MCM6: variants seen among roughly 807,000 people sequenced by gnomAD.
MCM6 encodes minichromosome maintenance complex component 6.
Under a neutral mutation model 94.3 loss-of-function variants are expected in MCM6, and 46 were observed. That is an observed-to-expected ratio of 0.49 (90% CI 0.39 to 0.62). The LOEUF (loss-of-function observed/expected upper bound fraction) is 0.62. Ranked by LOEUF, MCM6 falls within the 20% of genes least tolerant of loss-of-function variation. The pLI, the probability that MCM6 is intolerant of heterozygous loss-of-function variation, is 0.00. For synonymous variants in MCM6, 335 were observed against 351.9 expected (o/e 0.95, Z 0.54); for missense variants, 865 against 1,017.9 (o/e 0.85, Z 2.04).
At chr2:135,873,492 G>C (rs1377371713) in intron 1 of MCM6, among the ~76,000 whole-genome samples, 1 of 152,206 alleles carries the variant, frequency 6.6e-6, no homozygotes, top group African/African-American at 2.4e-5. Context: ...ACTAAATAAA[G>C]CTGCTGGTAT....
Position 135,840,657 on chromosome 2 carries a change from A to G in MCM6, c.*178T>C. 1 of 571,120 alleles carries G rather than the reference A, an allele frequency of 1.8e-6. No individual in the cohort carries two copies. Among genetic ancestry groups the G allele is most frequent in the Non-Finnish European group, 3.1e-6 (1 of 318,944 alleles). 35.4% of individuals were successfully genotyped at this position (571,120 alleles called of 1,614,324 possible). A position where few individuals can be genotyped will look rare whatever the true frequency, so the allele number is the denominator to read the frequency against. On this transcript the variant is annotated 3_prime_UTR_variant, in exon 17 of 17. Coordinates refer to ENST00000264156, the MANE Select transcript of MCM6 (RefSeq NM_005915.6). ...AGGAAGTGCTGAAGCCTGTGTTGGT[A>G]TGAAACCTGTGATGAATGTGACACA...
intron 2 of MCM6, among the ~76,000 whole-genome samples, chr2:135,870,584 G>A (rs1680181867): frequency 6.6e-6 from 1 of 152,132 alleles, no homozygotes; most frequent in Non-Finnish European, 1.5e-5. Flanking sequence ...TACCATACCT[G>A]ATTATCATAT....
intron 13 of MCM6, among the ~76,000 whole-genome samples, chr2:135,849,756 A>C (rs1679738576): frequency 6.6e-6 from 1 of 152,232 alleles, no homozygotes; most frequent in Non-Finnish European, 1.5e-5. Context: ...CCAGTGTCAA[A>C]AAGATGGATT....
At chr2:135,850,006 A>C (rs1679744355) in intron 13 of MCM6, among the ~76,000 whole-genome samples, 1 of 152,206 alleles carries the variant, frequency 6.6e-6, no homozygotes, top group African/African-American at 2.4e-5. Flanking sequence ...CTATTTGAAG[A>C]CTAATTTTTA....
chr2:135,848,885 AAAAAC>A (rs939184017), intron 13 of MCM6, among the ~76,000 whole-genome samples: 1 of 152,224 alleles, frequency 6.6e-6, no homozygotes, highest in African/African-American at 2.4e-5. Context: ...ACTCCATCTC[AAAAAC>A]AAAACAAAAC....
intron 14 of MCM6, among the ~76,000 whole-genome samples, chr2:135,847,349 A>G (rs1028962270): frequency 2.0e-5 from 3 of 152,196 alleles, no homozygotes; most frequent in Admixed American, 2.0e-4. Flanking sequence ...CAGGAAGTTA[A>G]GGCTGCAGTG....
At chr2:135,860,739 C>A (rs1679974795) in intron 8 of MCM6, among the ~76,000 whole-genome samples, 2 of 152,146 alleles carry the variant, frequency 1.3e-5, no homozygotes, top group Non-Finnish European at 2.9e-5. Flanking sequence ...TTTAACCTGA[C>A]AAAGGGCATC....
At position 135,851,397 on chromosome 2, in the gene MCM6, G is replaced by C; in HGVS notation, c.1917+5C>G. The stretch of plus-strand genomic sequence containing the variant: ...GCTCTCATCATATCAAAGTGACTCT[G>C]ATACCTCATCACAGCAGTGCATCCG... On this transcript the variant is annotated splice_donor_5th_base_variant and intron_variant, in intron 13 of 16. Transcript: ENST00000264156. The C allele has an allele frequency of 6.2e-7, 1 of 1,609,712 alleles. No individual in the cohort carries two copies. Among genetic ancestry groups the C allele is most frequent in the Non-Finnish European group, 8.5e-7 (1 of 1,177,192 alleles).
rs4988235 is a variant in MCM6, at chr2:135,851,076, G to A, written c.1917+326C>T. Among the ~76,000 whole-genome samples the A allele has an allele frequency of 0.4, 60,356 of 152,102 alleles. 17,494 individuals are homozygous for A. Among genetic ancestry groups the A allele is most frequent in the Non-Finnish European group, 0.64 (43,184 of 67,976 alleles). ...GAGGAGAGTTCCTTTGAGGCCAGGG[G>A]CTACATTATCTTATCTGTATTGCCA... On this transcript the variant is annotated intron_variant, in intron 13 of 16. Transcript: ENST00000264156.
In MCM6 at chr2:135,840,794, G is replaced by A. The variant is rs1252724334; in HGVS notation, c.*41C>T. On this transcript the variant is annotated 3_prime_UTR_variant, in exon 17 of 17. Transcript: ENST00000264156. Reference sequence around the variant, plus strand: ...GCCAGGCTCCAGGCCACGAGGTGCTGTGCCACAGTTCCTCAGCTCTGGTCA... The same window carrying A: ...GCCAGGCTCCAGGCCACGAGGTGCTATGCCACAGTTCCTCAGCTCTGGTCA... 3 of 1,406,878 alleles carry A rather than the reference G, an allele frequency of 2.1e-6. No homozygotes were observed. Among genetic ancestry groups the A allele is most frequent in the East Asian group, 2.3e-5 (1 of 43,912 alleles). 87.1% of individuals were successfully genotyped at this position (1,406,878 alleles called of 1,614,324 possible). A position where few individuals can be genotyped will look rare whatever the true frequency, so the allele number is the denominator to read the frequency against.
chr2:135,859,954 C>T (rs309173), intron 8 of MCM6, among the ~76,000 whole-genome samples: 76,032 of 151,596 alleles, frequency 0.5, 23,150 homozygotes, highest in Non-Finnish European at 0.7. Flanking sequence ...CAGGTGTGCG[C>T]CACTATGCCC....
intron 12 of MCM6, among the ~76,000 whole-genome samples, chr2:135,852,405 T>C (rs4954493): frequency 0.51 from 77,302 of 152,036 alleles, 23,804 homozygotes; most frequent in Non-Finnish European, 0.71. Context: ...TTTATATTTA[T>C]CATAATGGCC....
chr2:135,840,996 A>G (rs1424380649), intron 16 of MCM6, 45 bp from the exon 17 acceptor site: 1 of 1,365,010 alleles, frequency 7.3e-7, no homozygotes, highest in East Asian at 2.3e-5. Flanking sequence ...GCAGTATTAT[A>G]CCAATGTCCA....
intron 11 of MCM6, 86 bp downstream of exon 11, chr2:135,856,642 G>T: frequency 7.2e-7 from 1 of 1,387,566 alleles, no homozygotes; most frequent in Non-Finnish European, 9.9e-7. Flanking sequence ...GCACATACAT[G>T]CACCAGCTGT....
intron 8 of MCM6, among the ~76,000 whole-genome samples, chr2:135,860,211 C>T (rs1320356293): frequency 1.3e-5 from 2 of 152,116 alleles, no homozygotes; most frequent in Non-Finnish European, 2.9e-5. Flanking sequence ...TGGCTCACTC[C>T]AAGCTCTGCC....
Position 135,858,440 on chromosome 2 carries a change from T to C in MCM6, c.1363-436A>G, listed in dbSNP as rs191495143. Among the ~76,000 whole-genome samples, 4 of 152,174 alleles carry C rather than the reference T, an allele frequency of 2.6e-5. No homozygotes were observed. The East Asian group carries it at 7.7e-4, about 29-fold the overall frequency. On this transcript the variant is annotated intron_variant, in intron 9 of 16. Transcript: ENST00000264156. ...AGGCAGAGGTTGCAGTGAGCCAAGG[T>C]TGCACCACTGCACTCCAGCCTGGGC...
intron 15 of MCM6, among the ~76,000 whole-genome samples, chr2:135,845,774 C>T (rs1473660489): frequency 1.3e-5 from 2 of 152,156 alleles, no homozygotes; most frequent in African/African-American, 4.8e-5. Flanking sequence ...AGTGTCCAGA[C>T]GCCACACTTT....
rs766644283 is a variant in MCM6, at chr2:135,856,719, T to A, written c.1626+9A>T. ...AACTGGAAATAAAAAAGGAAGCTCA[T>A]GGGGTTACCTCATTACATTCATCCA... On this transcript the variant is annotated intron_variant, in intron 11 of 16. Coordinates refer to ENST00000264156, the MANE Select transcript of MCM6 (RefSeq NM_005915.6). The A allele has an allele frequency of 6.2e-7, 1 of 1,612,996 alleles. No homozygotes were observed. The highest frequency in any genetic ancestry group is 1.1e-5 in the South Asian group (1 of 90,862).
At position 135,859,313 on chromosome 2, in the gene MCM6, C is replaced by A; in HGVS notation, c.1350G>T (p.Met450Ile). 6.2e-7 allele frequency: 1 copy of A among 1,613,266 alleles called. No individual in the cohort carries two copies. Among genetic ancestry groups the A allele is most frequent in the Non-Finnish European group, 8.5e-7 (1 of 1,179,580 alleles). Residue 450 changes from methionine to isoleucine, a missense_variant, in exon 9 of 17, where the codon ATG (methionine) becomes ATT (isoleucine). Around this residue, in one of 3 missense-constraint regions of MCM6, gnomAD observed 153 missense variants for 241.5 expected, o/e 0.63. Coordinates refer to ENST00000264156, the MANE Select transcript of MCM6 (RefSeq NM_005915.6). ...HEFVIEAGAL[M>I]LADNGVCCID... ...AAAATGTTCTTACATTATCAGCCAA[C>A]ATCAAAGCTCCAGCCTCAATGACAA...
Sources: gnomAD v4.1 joint callset for allele counts (sites outside exome capture counted in the v4.1 genomes callset) on GRCh38, gnomAD v4.1.1 for gene constraint, gnomAD v4.1.1 regional missense constraint, MANE v1.5 for transcripts, NCBI Gene and HGNC (gene_info 2026-07-23, HGNC 2026-07-21) for gene names.